The following NEBL variants were observed in gnomAD, a reference collection of about 807,000 sequenced individuals.
The protein encoded by NEBL is LIM and SH3 protein 2.
NEBL carries 122 observed loss-of-function variants against 140.2 expected under a neutral mutation model. That is an observed-to-expected ratio of 0.87 (90% CI 0.75 to 1.01). NEBL has a LOEUF of 1.01. Among genes scored for constraint, NEBL ranks in the 50% least tolerant of loss-of-function variants. NEBL has a pLI of 0.00. For synonymous variants in NEBL, 436 were observed against 398.9 expected (o/e 1.09, Z -1.11); for missense variants, 1,365 against 1,231.3 (o/e 1.11, Z -1.62).
At chr10:21,168,560 T>G (rs1470867705) in intron 2 of NEBL, among the ~76,000 whole-genome samples, 1 of 152,192 alleles carries the variant, frequency 6.6e-6, no homozygotes, top group Admixed American at 6.5e-5. Context: ...AGAACATTCT[T>G]AGGACAATGG....
intron 4 of NEBL, among the ~76,000 whole-genome samples, chr10:20,884,179 T>C (rs1434363728): frequency 1.3e-5 from 2 of 152,228 alleles, no homozygotes; most frequent in Non-Finnish European, 2.9e-5. Context: ...TATTTTATAT[T>C]TCATATGTAT....
intron 4 of NEBL, among the ~76,000 whole-genome samples, chr10:20,882,184 G>C (rs543472663): frequency 2.1e-5 from 3 of 146,128 alleles, no homozygotes; most frequent in Non-Finnish European, 4.5e-5. Context: ...AAGAAGGAAA[G>C]ACAGAAAGAA....
chr10:21,174,167 T>C (rs1039269793), exon 1 of NEBL: 31 of 448,646 alleles, frequency 6.9e-5, no homozygotes, highest in Non-Finnish European at 8.4e-5. Context: ...CTCCCCCGCC[T>C]CGCCGCCGCC....
At chr10:21,030,878 C>G in intron 2 of NEBL, 1 of 281,066 alleles carries the variant, frequency 3.6e-6, no homozygotes, top group South Asian at 3.8e-5. Context: ...ACCTGTACAT[C>G]ATGGCACTCA....
chr10:21,102,931 C>T (rs1229739556), intron 2 of NEBL, among the ~76,000 whole-genome samples: 2 of 151,888 alleles, frequency 1.3e-5, no homozygotes, highest in African/African-American at 4.8e-5. Context: ...CAACCCATCA[C>T]CTAGGTATTA....
chr10:20,913,947 C>A (rs1471705967), intron 4 of NEBL, among the ~76,000 whole-genome samples: 1 of 152,156 alleles, frequency 6.6e-6, no homozygotes, highest in Non-Finnish European at 1.5e-5. Flanking sequence ...TGGAAACGGT[C>A]ATTCTTGAAA....
Position 20,785,667 on chromosome 10 carries a change from T to C in NEBL, c.*80A>G. The C allele has an allele frequency of 6.7e-7, 1 of 1,484,122 alleles. No individual in the cohort carries two copies. The highest frequency in any genetic ancestry group is 1.2e-5 in the South Asian group (1 of 83,134). The allele number at this position is 1,484,122 out of a possible 1,614,324, so 91.9% of individuals were successfully genotyped here. On this transcript the variant is annotated 3_prime_UTR_variant, in exon 28 of 28. Coordinates refer to ENST00000377122, the MANE Select transcript of NEBL (RefSeq NM_006393.3). Reference sequence around the variant, plus strand: ...TCATTGTAAAATAATGGCCAAGTTGTCTTAAAAGTATCTTCTATCTTTTAA... The same window carrying C: ...TCATTGTAAAATAATGGCCAAGTTGCCTTAAAAGTATCTTCTATCTTTTAA...
chr10:20,924,172 T>C (rs1003403679), intron 4 of NEBL, among the ~76,000 whole-genome samples: 1 of 152,046 alleles, frequency 6.6e-6, no homozygotes, highest in Non-Finnish European at 1.5e-5. Flanking sequence ...GACTTTTTAA[T>C]TGTCATGATT....
At chr10:20,931,411 A>C (rs952736410) in intron 4 of NEBL, among the ~76,000 whole-genome samples, 3 of 152,242 alleles carry the variant, frequency 2.0e-5, no homozygotes, top group African/African-American at 7.2e-5. Context: ...ATTAAGAGAA[A>C]CACTTTGCCA....
Position 20,827,261 on chromosome 10 carries a change from C to T in NEBL, c.1777-722G>A, listed in dbSNP as rs1048393319. On this transcript the variant is annotated intron_variant, in intron 17 of 27. Transcript: ENST00000377122. Reference sequence around the variant, plus strand: ...TGGCCCCCGCGTGGGTGGGAGAGCACGGTAGGAGAGATGTTTTCCTCCAAA... The same window carrying T: ...TGGCCCCCGCGTGGGTGGGAGAGCATGGTAGGAGAGATGTTTTCCTCCAAA... Among the ~76,000 whole-genome samples the T allele has an allele frequency of 3.3e-5, 5 of 152,152 alleles. 1 individual carries two copies. The highest frequency in any genetic ancestry group is 1.9e-4 in the East Asian group (1 of 5,194).
At chr10:21,255,822 C>A (rs944631577) in intron 1 of NEBL, among the ~76,000 whole-genome samples, 2 of 151,762 alleles carry the variant, frequency 1.3e-5, no homozygotes, top group Non-Finnish European at 2.9e-5. Context: ...ATGGTGAAAC[C>A]CCATCTCTAC....
At chr10:21,121,317 G>T (rs79018643) in intron 2 of NEBL, among the ~76,000 whole-genome samples, 1 of 152,028 alleles carries the variant, frequency 6.6e-6, no homozygotes, top group Non-Finnish European at 1.5e-5. Context: ...TAATGTCACG[G>T]TCATGCCAAT....
intron 2 of NEBL, among the ~76,000 whole-genome samples, chr10:21,115,626 G>T (rs568428614): frequency 1.6e-4 from 25 of 151,888 alleles, no homozygotes; most frequent in Admixed American, 1.3e-3. Flanking sequence ...TATCACCTTT[G>T]TTCTGTGCAT....
intron 4 of NEBL, among the ~76,000 whole-genome samples, chr10:20,942,660 G>A (rs1393366870): frequency 9.2e-5 from 14 of 152,258 alleles, no homozygotes; most frequent in Admixed American, 7.2e-4. Context: ...GTGACCTACA[G>A]AATGGGAGAA....
At chr10:21,172,537 G>A in intron 1 of NEBL, 6 of 1,326,034 alleles carry the variant, frequency 4.5e-6, no homozygotes, top group South Asian at 2.4e-5. Context: ...ACCAGGATGG[G>A]CACAGAAGGA....
chr10:20,843,433 C>T (rs967533246), intron 12 of NEBL, among the ~76,000 whole-genome samples: 1 of 151,850 alleles, frequency 6.6e-6, no homozygotes, highest in Non-Finnish European at 1.5e-5. Flanking sequence ...TTAAGACTCA[C>T]TCCAAAACAG....
In NEBL at chr10:20,850,599, G is replaced by A. The variant is rs10160126; in HGVS notation, c.1009-97C>T. On this transcript the variant is annotated intron_variant, in intron 10 of 27. Coordinates refer to ENST00000377122, the MANE Select transcript of NEBL (RefSeq NM_006393.3). Reference sequence around the variant, plus strand: ...TATGTTCTAAACTAGTCATCTTGTTGTCTAAAATCATATTATTCTGGCCAT... The same window carrying A: ...TATGTTCTAAACTAGTCATCTTGTTATCTAAAATCATATTATTCTGGCCAT... The A allele has an allele frequency of 9.4e-3, 7,577 of 810,352 alleles. 366 individuals carry two copies. The African/African-American group carries it at 0.11, about 12-fold the overall frequency. The allele number at this position is 810,352 out of a possible 1,614,324, so 50.2% of individuals were successfully genotyped here.
At chr10:21,258,191 G>A (rs1224762353) in intron 1 of NEBL, among the ~76,000 whole-genome samples, 1 of 152,220 alleles carries the variant, frequency 6.6e-6, no homozygotes, top group African/African-American at 2.4e-5. Context: ...AGGAGGCTGA[G>A]GCGGGAGGAT....
chr10:21,169,667 C>T (rs1206427818), intron 2 of NEBL, among the ~76,000 whole-genome samples: 2 of 152,132 alleles, frequency 1.3e-5, no homozygotes, highest in African/African-American at 4.8e-5. Flanking sequence ...GAACCTAAAG[C>T]TAAATTTTAA....
Sources: allele counts gnomAD v4.1 joint callset (sites outside exome capture counted in the v4.1 genomes callset), GRCh38; gene constraint gnomAD v4.1.1; transcripts MANE v1.5; gene names NCBI Gene and HGNC (gene_info 2026-07-23, HGNC 2026-07-21).